Variants in RFX7 observed in about 807,000 individuals in gnomAD.
The protein encoded by RFX7 is DNA-binding protein RFX7.
In RFX7, 26 loss-of-function variants were observed where a neutral mutation model predicts 111.8. That is an observed-to-expected ratio of 0.23 (90% confidence interval 0.17 to 0.32). RFX7 has a LOEUF of 0.32. RFX7 is among the 10% of genes least tolerant of loss of function. The pLI is 1.00. For missense variants in RFX7, 1,573 were observed against 1,772.9 expected (o/e 0.89, Z 2.02); for synonymous variants, 624 against 624.4 (o/e 1.00, Z 0.01).
chr15:56,167,304 C>T (rs939036858), intron 3 of RFX7, among the ~76,000 whole-genome samples: 4 of 151,864 alleles, frequency 2.6e-5, no homozygotes, highest in African/African-American at 9.7e-5. Context: ...CAGAGTGAGA[C>T]GATGTCTCAA....
At chr15:56,112,951 G>C (rs745736976) in intron 5 of RFX7, among the ~76,000 whole-genome samples, 1 of 152,144 alleles carries the variant, frequency 6.6e-6, no homozygotes, top group African/African-American at 2.4e-5. Context: ...ACCACAAAGA[G>C]ATACCATCTC....
chr15:56,145,582 T>C (rs955318505), intron 3 of RFX7, among the ~76,000 whole-genome samples: 2 of 152,212 alleles, frequency 1.3e-5, no homozygotes, highest in South Asian at 2.1e-4. Flanking sequence ...TTATCAGCTA[T>C]ACCCTTGTGT....
At chr15:56,168,297 G>T (rs1457352405) in intron 3 of RFX7, among the ~76,000 whole-genome samples, 1 of 152,092 alleles carries the variant, frequency 6.6e-6, no homozygotes, top group Non-Finnish European at 1.5e-5. Context: ...AAAAAACAAA[G>T]AAACTTTGTT....
chr15:56,118,630 A>T (rs1458492509), intron 5 of RFX7, among the ~76,000 whole-genome samples: 1 of 152,170 alleles, frequency 6.6e-6, no homozygotes, highest in Non-Finnish European at 1.5e-5. Context: ...AATCTTGGTT[A>T]TTGGGAATAG....
chr15:56,196,922 A>G (rs2043150901), intron 2 of RFX7, among the ~76,000 whole-genome samples: 1 of 152,128 alleles, frequency 6.6e-6, no homozygotes, highest in Admixed American at 6.5e-5. Context: ...ATACACAAAT[A>G]TTCGCACACA....
chr15:56,163,268 T>C (rs1162917680), intron 3 of RFX7, among the ~76,000 whole-genome samples: 3 of 152,124 alleles, frequency 2.0e-5, no homozygotes, highest in Admixed American at 6.5e-5. Context: ...GGCAGGAAAG[T>C]AATTGTTAAG....
chr15:56,119,505 G>A lies in RFX7; in HGVS notation c.402-15835C>T, dbSNP rs145153973. 2.6e-3 allele frequency among the ~76,000 whole-genome samples: 397 copies of A among 152,106 alleles called. 5 individuals are homozygous for A. The highest frequency in any genetic ancestry group is 9.1e-3 in the African/African-American group (379 of 41,490). Reference sequence around the variant, plus strand: ...GAAAATGAGTTCACTGGCTGGGTGCGGTGGCTCACGCCTGTAATCCCAGCA... The same window carrying A: ...GAAAATGAGTTCACTGGCTGGGTGCAGTGGCTCACGCCTGTAATCCCAGCA... On this transcript the variant is annotated intron_variant, in intron 5 of 9. Transcript: ENST00000559447.
At chr15:56,152,425 A>G (rs149006700) in intron 3 of RFX7, among the ~76,000 whole-genome samples, 1 of 152,226 alleles carries the variant, frequency 6.6e-6, no homozygotes, top group Non-Finnish European at 1.5e-5. Flanking sequence ...AAATACATGG[A>G]AACTGAACAA....
chr15:56,095,714 C>T lies in RFX7; in HGVS notation c.2014G>A (p.Val672Ile). ...STLQETQVPP[V>I]KKPIVEQLSA... is the part of the protein sequence containing the mutation. ...AGCTGTTCCACAATTGGTTTCTTTA[C>T]AGGAGGCACCTGGGTCTCCTGCAAT... Residue 672 changes from valine (V) to isoleucine (I), a missense_variant, in exon 10 of 10, where the codon GTA becomes ATA. Transcript: ENST00000559447. The T allele has an allele frequency of 6.2e-7, 1 of 1,613,948 alleles. No individual in the cohort carries two copies. Among genetic ancestry groups the T allele is most frequent in the African/African-American group, 1.3e-5 (1 of 75,032 alleles).
rs1389167760 is a variant in RFX7 at position 56,093,248 on chromosome 15, CAATT to C, written c.*93_*96del. 42 of 1,106,394 alleles carry C rather than the reference CAATT, an allele frequency of 3.8e-5. No homozygotes were observed. The highest frequency in any genetic ancestry group is 7.9e-5 in the African/African-American group (5 of 63,216). 68.5% of individuals were successfully genotyped at this position (1,106,394 alleles called of 1,614,324 possible). A position where few individuals can be genotyped will look rare whatever the true frequency, so the allele number is the denominator to read the frequency against. ...TGCAGCAAACGCTTTTAAAATGTCA[CAATT>C]AATAGTATTTCTGCTGCGGGAGGCA... On this transcript the variant is annotated 3_prime_UTR_variant, in exon 10 of 10. Transcript: ENST00000559447.
chr15:56,236,671 G>A (rs2043626863), intron 2 of RFX7, among the ~76,000 whole-genome samples: 1 of 152,172 alleles, frequency 6.6e-6, no homozygotes, highest in African/African-American at 2.4e-5. Flanking sequence ...TTCTGAAAGA[G>A]TACATACTTT....
At chr15:56,115,039 C>A (rs2041992276) in intron 5 of RFX7, among the ~76,000 whole-genome samples, 1 of 152,096 alleles carries the variant, frequency 6.6e-6, no homozygotes, top group Non-Finnish European at 1.5e-5. Flanking sequence ...GAGACAGAGT[C>A]TCGCTCTGTT....
upstream of RFX7, among the ~76,000 whole-genome samples, chr15:56,244,796 T>A (rs1371960595): frequency 8.2e-6 from 1 of 121,426 alleles, no homozygotes; most frequent in African/African-American, 3.2e-5. Flanking sequence ...ACACCCGCCC[T>A]CCCCCCGCAG....
intron 2 of RFX7, among the ~76,000 whole-genome samples, chr15:56,182,089 C>T (rs149973575): frequency 2.6e-5 from 4 of 152,098 alleles, no homozygotes; most frequent in African/African-American, 9.6e-5. Context: ...AACAAGCAGG[C>T]TCCCACTGAT....
intron 1 of RFX7, 37 bp from the exon 2 acceptor site, chr15:56,243,324 G>C (rs1334721505): frequency 1.5e-5 from 16 of 1,071,432 alleles, no homozygotes; most frequent in African/African-American, 1.7e-5. Context: ...GAAAGATGGG[G>C]GCGCGGGGAA....
chr15:56,145,448 T>G (rs2042455624), intron 3 of RFX7, among the ~76,000 whole-genome samples: 1 of 152,234 alleles, frequency 6.6e-6, no homozygotes, highest in African/African-American at 2.4e-5. Flanking sequence ...CACAAAAGTT[T>G]AATCTTAGAA....
Position 56,189,099 on chromosome 15 carries a change from G to A in RFX7, c.162-9796C>T, listed in dbSNP as rs144612099. ...CTCCCAAAATGCTGGGATTACAAGC[G>A]TGAGGCACTGCGCCCCACTGCAATA... On this transcript the variant is annotated intron_variant, in intron 2 of 9. Coordinates refer to ENST00000559447, the MANE Select transcript of RFX7 (RefSeq NM_022841.7). 6.5e-3 allele frequency among the ~76,000 whole-genome samples: 997 copies of A among 152,310 alleles called. 16 individuals carry two copies. Among genetic ancestry groups the A allele is most frequent in the African/African-American group, 0.023 (966 of 41,556 alleles).
chr15:56,198,836 T>G (rs1256084710), intron 2 of RFX7, among the ~76,000 whole-genome samples: 1 of 152,092 alleles, frequency 6.6e-6, no homozygotes, highest in Non-Finnish European at 1.5e-5. Context: ...TTCTCTCCTT[T>G]TGTATACATT....
chr15:56,116,035 G>A (rs1400880458), intron 5 of RFX7, among the ~76,000 whole-genome samples: 1 of 152,066 alleles, frequency 6.6e-6, no homozygotes, highest in East Asian at 1.9e-4. Context: ...AACAAACATT[G>A]AAAGAAGGGG....
Sources: gnomAD v4.1 joint callset for allele counts (sites outside exome capture counted in the v4.1 genomes callset) on GRCh38, gnomAD v4.1.1 for gene constraint, MANE v1.5 for transcripts, NCBI Gene and HGNC (gene_info 2026-07-23, HGNC 2026-07-21) for gene names.